The following ZMAT4 variants were observed in gnomAD, a reference collection of about 807,000 sequenced individuals.
ZMAT4 encodes the protein zinc finger matrin-type protein 4.
Under a neutral mutation model 28.7 loss-of-function variants are expected in ZMAT4, and 17 were observed. The observed-to-expected ratio is 0.59, with a 90% confidence interval of 0.41 to 0.89. ZMAT4 has a LOEUF of 0.89. ZMAT4 is among the 40% of genes least tolerant of loss of function. ZMAT4 has a pLI of 0.00. For missense variants in ZMAT4, 240 were observed against 283.8 expected, an observed-to-expected ratio of 0.85 and a Z score of 1.11; for synonymous variants, 117 against 109.2, an observed-to-expected ratio of 1.07 and a Z score of -0.44.
intron 1 of ZMAT4, among the ~76,000 whole-genome samples, chr8:40,868,248 T>A (rs1303311116): frequency 6.6e-6 from 1 of 152,056 alleles, no homozygotes; most frequent in Non-Finnish European, 1.5e-5. Flanking sequence ...TTAGACAAAA[T>A]CAAGAGGACC....
At chr8:40,861,706 C>T (rs1396051662) in intron 1 of ZMAT4, among the ~76,000 whole-genome samples, 1 of 152,120 alleles carries the variant, frequency 6.6e-6, no homozygotes, top group African/African-American at 2.4e-5. Flanking sequence ...CTACAAAGGA[C>T]TCAAACAAAT....
intron 6 of ZMAT4, among the ~76,000 whole-genome samples, chr8:40,561,690 C>A (rs1803745136): frequency 6.6e-6 from 1 of 152,170 alleles, no homozygotes. Context: ...CAACCCCCAG[C>A]CCACAGGCTG....
At chr8:40,785,011 A>G (rs527634995) in intron 2 of ZMAT4, among the ~76,000 whole-genome samples, 1 of 152,210 alleles carries the variant, frequency 6.6e-6, no homozygotes, top group Non-Finnish European at 1.5e-5. Flanking sequence ...TCAGAGACTA[A>G]AGTCTTAACT....
chr8:40,770,468 C>G (rs1229837272), intron 2 of ZMAT4, among the ~76,000 whole-genome samples: 3 of 151,926 alleles, frequency 2.0e-5, no homozygotes, highest in Non-Finnish European at 4.4e-5. Flanking sequence ...GGAGACCTGC[C>G]AGGGAGCCCC....
At chr8:40,578,267 C>T (rs1027003515) in intron 6 of ZMAT4, among the ~76,000 whole-genome samples, 2 of 152,050 alleles carry the variant, frequency 1.3e-5, no homozygotes, top group Non-Finnish European at 2.9e-5. Context: ...CTATGATGGT[C>T]TTTTCAGTAA....
At chr8:40,626,917 T>A (rs576310828) in intron 5 of ZMAT4, among the ~76,000 whole-genome samples, 27 of 152,254 alleles carry the variant, frequency 1.8e-4, no homozygotes, top group Middle Eastern at 3.4e-3. Context: ...GGATTATACA[T>A]TTGATGAACT....
chr8:40,853,860 A>T (rs2150637690), intron 1 of ZMAT4, among the ~76,000 whole-genome samples: 1 of 152,320 alleles, frequency 6.6e-6, no homozygotes, highest in South Asian at 2.1e-4. Context: ...TGTCTGTATG[A>T]TGCTATAAAG....
intron 6 of ZMAT4, among the ~76,000 whole-genome samples, chr8:40,578,957 C>T (rs559606063): frequency 6.6e-6 from 1 of 152,338 alleles, no homozygotes; most frequent in East Asian, 1.9e-4. Context: ...TCAGACACCA[C>T]TGTGATCAGT....
At position 40,697,393 on chromosome 8, in the gene ZMAT4, A is replaced by G; in HGVS notation, c.201T>C (p.Asp67=). ...AKRLRSENGS[D]ADMVDKNKCC... ...ACTTGTTCTTATCCACCATGTCGGC[A>G]TCACTTCCCTGCGCAGGGAGAAAGA... Residue 67 remains aspartate (D), a synonymous_variant, in exon 4 of 7, where the codon GAT becomes GAC. Coordinates refer to ENST00000297737, the MANE Select transcript of ZMAT4 (RefSeq NM_024645.3). 3.1e-6 allele frequency: 5 copies of G among 1,590,306 alleles called. No individual in the cohort carries two copies. The highest frequency in any genetic ancestry group is 4.3e-6 in the Non-Finnish European group (5 of 1,166,462).
chr8:40,630,859 C>G (rs1000972954), intron 5 of ZMAT4, among the ~76,000 whole-genome samples: 1 of 152,038 alleles, frequency 6.6e-6, no homozygotes, highest in Non-Finnish European at 1.5e-5. Context: ...TTTCTAGATG[C>G]CATAGTCAAA....
chr8:40,573,554 A>C (rs1179608487), intron 6 of ZMAT4, among the ~76,000 whole-genome samples: 2 of 152,172 alleles, frequency 1.3e-5, no homozygotes, highest in Non-Finnish European at 2.9e-5. Context: ...GAGAATCTTA[A>C]CTGATAACAT....
At chr8:40,869,517 T>G (rs1283632318) in intron 1 of ZMAT4, among the ~76,000 whole-genome samples, 1 of 152,188 alleles carries the variant, frequency 6.6e-6, no homozygotes, top group Non-Finnish European at 1.5e-5. Flanking sequence ...AACTGCATTA[T>G]CTAGAAAAGA....
chr8:40,647,223 G>A (rs574762367), intron 5 of ZMAT4, among the ~76,000 whole-genome samples: 175 of 152,280 alleles, frequency 1.1e-3, no homozygotes, highest in African/African-American at 3.8e-3. Context: ...TGCGCCCACC[G>A]TGCGTGAGCT....
rs1817859068 is a variant in ZMAT4 at position 40,871,618 on chromosome 8, A to G, written c.-5+26065T>C. On this transcript the variant is annotated intron_variant, in intron 1 of 6. Transcript: ENST00000297737. ...GAAAAAAGAGATTCCCAACCAGGAC[A>G]TGGAGCAATGAAGGGTACCATTGCC... Among the ~76,000 whole-genome samples, 2 of 152,220 alleles carry G rather than the reference A, an allele frequency of 1.3e-5. 1 individual carries two copies. The highest frequency in any genetic ancestry group is 4.1e-4 in the South Asian group (2 of 4,830).
In ZMAT4 at chr8:40,638,451, G is replaced by A. The variant is rs1251554208; in HGVS notation, c.577+36253C>T. Among the ~76,000 whole-genome samples the A allele has an allele frequency of 3.9e-5, 6 of 152,254 alleles. No individual in the cohort carries two copies. The South Asian group carries it at 8.3e-4, about 21-fold the overall frequency. ...TCTTTCATTCCACAGTTCAAGTAAGGGTTAAAAGCCACCTCTGCTAGGAGA... is the reference window on the plus strand; with the variant it reads ...TCTTTCATTCCACAGTTCAAGTAAGAGTTAAAAGCCACCTCTGCTAGGAGA... On this transcript the variant is annotated intron_variant, in intron 5 of 6. Coordinates refer to ENST00000297737, the MANE Select transcript of ZMAT4 (RefSeq NM_024645.3).
At chr8:40,659,654 C>T (rs1431769073) in intron 5 of ZMAT4, among the ~76,000 whole-genome samples, 1 of 152,106 alleles carries the variant, frequency 6.6e-6, no homozygotes, top group Non-Finnish European at 1.5e-5. Context: ...CACAGACTCA[C>T]AATTTATTGT....
chr8:40,534,141 A>G (rs370251139), intron 6 of ZMAT4, among the ~76,000 whole-genome samples: 4 of 152,342 alleles, frequency 2.6e-5, no homozygotes, highest in Admixed American at 2.0e-4. Context: ...ATAATGAGGA[A>G]AAATATCACA....
At chr8:40,539,852 T>G (rs1353718203) in intron 6 of ZMAT4, among the ~76,000 whole-genome samples, 2 of 152,214 alleles carry the variant, frequency 1.3e-5, no homozygotes, top group East Asian at 3.8e-4. Flanking sequence ...ATGGTGGAAC[T>G]TGACAGCTTA....
At position 40,759,454 on chromosome 8, in the gene ZMAT4, C is replaced by T. The variant is rs74984818; in HGVS notation, c.192+8187G>A. On this transcript the variant is annotated intron_variant, in intron 3 of 6. Coordinates refer to ENST00000297737, the MANE Select transcript of ZMAT4 (RefSeq NM_024645.3). ...AGCCCTCATGAATGGGATTAGTACC[C>T]TCACAAAAAGAGACACAAAGAGGTG... Among the ~76,000 whole-genome samples the T allele has an allele frequency of 0.015, 2,325 of 152,242 alleles. 117 individuals are homozygous for T. In the East Asian group the frequency reaches 0.18, roughly 12 times the overall value.
Sources: gnomAD v4.1 joint callset for allele counts (sites outside exome capture counted in the v4.1 genomes callset) on GRCh38, gnomAD v4.1.1 for gene constraint, MANE v1.5 for transcripts, NCBI Gene and HGNC (gene_info 2026-07-23, HGNC 2026-07-21) for gene names.